The following DLGAP2 variants were observed in gnomAD, a reference collection of about 807,000 sequenced individuals.
The protein encoded by DLGAP2 is disks large-associated protein 2.
Under a neutral mutation model 100.3 loss-of-function variants are expected in DLGAP2, and 26 were observed. The observed-to-expected ratio is 0.26, with a 90% CI of 0.19 to 0.36. The LOEUF is 0.36. Among genes scored for constraint, DLGAP2 ranks in the 10% least tolerant of loss-of-function variants. DLGAP2 has a pLI of 1.00. For synonymous variants in DLGAP2, 886 were observed against 630.1 expected (o/e 1.41, Z -6.08); for missense variants, 1,858 against 1,453.2 (o/e 1.28, Z -4.53).
At chr8:1,506,565 G>A (rs771144567) in intron 4 of DLGAP2, among the ~76,000 whole-genome samples, 3 of 152,298 alleles carry the variant, frequency 2.0e-5, no homozygotes, top group East Asian at 1.9e-4. Context: ...AGTGCATACA[G>A]CGTAAAAATT....
intron 3 of DLGAP2, among the ~76,000 whole-genome samples, chr8:1,467,202 G>A (rs569023961): frequency 2.5e-4 from 36 of 141,264 alleles, no homozygotes; most frequent in African/African-American, 6.0e-4. Flanking sequence ...GTCTCTCATC[G>A]TCATGCATGG....
At chr8:1,280,583 G>C (rs1450041204) in intron 3 of DLGAP2, among the ~76,000 whole-genome samples, 1 of 152,214 alleles carries the variant, frequency 6.6e-6, no homozygotes, top group African/African-American at 2.4e-5. Flanking sequence ...AGTGACACTT[G>C]ATGTGTGTCT....
At chr8:1,178,920 G>A (rs911765598) in intron 2 of DLGAP2, among the ~76,000 whole-genome samples, 2 of 152,144 alleles carry the variant, frequency 1.3e-5, no homozygotes, top group Non-Finnish European at 2.9e-5. Context: ...CCTTCAGCCT[G>A]GGCACACCGG....
intron 2 of DLGAP2, among the ~76,000 whole-genome samples, chr8:1,195,261 G>A (rs1468240698): frequency 6.6e-6 from 1 of 152,196 alleles, no homozygotes; most frequent in South Asian, 2.1e-4. Flanking sequence ...TCTGCCTCCC[G>A]CTGGCCAAGC....
chr8:1,188,173 TCTCACAC>T (rs1797554103), intron 2 of DLGAP2, among the ~76,000 whole-genome samples: 1 of 123,248 alleles, frequency 8.1e-6, no homozygotes, highest in African/African-American at 4.2e-5. Flanking sequence ...CCTCACGGAA[TCTCACAC>T]GCCCGGGACC....
intron 3 of DLGAP2, among the ~76,000 whole-genome samples, chr8:1,408,069 C>A (rs1369152287): frequency 6.6e-6 from 1 of 152,212 alleles, no homozygotes. Flanking sequence ...TGCCAAATGC[C>A]CCCCAGGGGA....
intron 3 of DLGAP2, among the ~76,000 whole-genome samples, chr8:1,423,679 G>A (rs546804188): frequency 6.6e-6 from 1 of 152,326 alleles, no homozygotes; most frequent in South Asian, 2.1e-4. Context: ...TTGAGAGCCT[G>A]GCATGTGTAG....
At chr8:797,955 T>A (rs564585831) in intron 1 of DLGAP2, among the ~76,000 whole-genome samples, 1 of 152,098 alleles carries the variant, frequency 6.6e-6, no homozygotes, top group Non-Finnish European at 1.5e-5. Context: ...TTTCATCATG[T>A]TGGCCAGGCT....
intron 1 of DLGAP2, among the ~76,000 whole-genome samples, chr8:827,317 G>A (rs1486589817): frequency 1.3e-5 from 2 of 152,180 alleles, no homozygotes; most frequent in Non-Finnish European, 2.9e-5. Flanking sequence ...TCAATGTGAG[G>A]ATTTTTCATG....
intron 2 of DLGAP2, among the ~76,000 whole-genome samples, chr8:1,131,238 C>T (rs116352171): frequency 0.023 from 3,544 of 152,142 alleles, 142 homozygotes; most frequent in African/African-American, 0.079. Flanking sequence ...CGGGCACGTG[C>T]CTGCTTTCAG....
At chr8:1,334,512 G>A (rs1010770705) in intron 3 of DLGAP2, among the ~76,000 whole-genome samples, 3 of 152,156 alleles carry the variant, frequency 2.0e-5, no homozygotes, top group Admixed American at 1.3e-4. Context: ...AAAGCCACTG[G>A]TATGATTCCT....
chr8:1,686,894 C>A (rs968155917), intron 12 of DLGAP2, among the ~76,000 whole-genome samples: 1 of 152,232 alleles, frequency 6.6e-6, no homozygotes, highest in Non-Finnish European at 1.5e-5. Context: ...AACACACACA[C>A]ATAAATGTTT....
chr8:1,048,411 A>T (rs2129032313), intron 2 of DLGAP2, among the ~76,000 whole-genome samples: 2 of 152,092 alleles, frequency 1.3e-5, no homozygotes, highest in East Asian at 3.9e-4. Context: ...GTAAGTGCTG[A>T]TTCTAAAACC....
chr8:864,585 A>C (rs1317965331), intron 1 of DLGAP2, among the ~76,000 whole-genome samples: 1 of 152,218 alleles, frequency 6.6e-6, no homozygotes, highest in Non-Finnish European at 1.5e-5. Context: ...AGCTACTTCC[A>C]CATGATACGA....
At chr8:1,164,812 G>A (rs771500856) in intron 2 of DLGAP2, among the ~76,000 whole-genome samples, 41 of 152,108 alleles carry the variant, frequency 2.7e-4, no homozygotes, top group African/African-American at 8.0e-4. Context: ...GAAAGTGTGC[G>A]TGTGACAGTG....
At chr8:1,605,234 C>A (rs535824846) in intron 6 of DLGAP2, among the ~76,000 whole-genome samples, 10 of 152,300 alleles carry the variant, frequency 6.6e-5, no homozygotes, top group African/African-American at 2.4e-4. Flanking sequence ...AGATCCGGAC[C>A]TCCTGACCTC....
At chr8:1,498,794 G>C (rs145328546) in intron 3 of DLGAP2, among the ~76,000 whole-genome samples, 2 of 152,288 alleles carry the variant, frequency 1.3e-5, no homozygotes, top group East Asian at 3.9e-4. Flanking sequence ...CTCCAAGAAG[G>C]GGGTGCTGCC....
At chr8:1,567,248 C>A (rs1278324459) in intron 6 of DLGAP2, among the ~76,000 whole-genome samples, 1 of 152,216 alleles carries the variant, frequency 6.6e-6, no homozygotes, top group African/African-American at 2.4e-5. Context: ...TCTCACCCAC[C>A]TTTTATTTGG....
At chr8:1,241,948 C>T (rs575913921) in intron 2 of DLGAP2, among the ~76,000 whole-genome samples, 83 of 152,282 alleles carry the variant, frequency 5.5e-4, no homozygotes, top group African/African-American at 2.0e-3. Flanking sequence ...GAATGATGAT[C>T]ACTGCCTCTA....
Sources: gnomAD v4.1 joint callset for allele counts (sites outside exome capture counted in the v4.1 genomes callset) on GRCh38, gnomAD v4.1.1 for gene constraint, MANE v1.5 for transcripts, NCBI Gene and HGNC (gene_info 2026-07-23, HGNC 2026-07-21) for gene names.